QNG1: variants seen among roughly 807,000 people sequenced by gnomAD.
QNG1 encodes Q-nucleotide N-glycosylase 1.
the QNG1 span, chr9:83,939,810 G>A: frequency 1.9e-6 from 2 of 1,063,416 alleles, no homozygotes; most frequent in South Asian, 1.3e-5. Flanking sequence ...GAACTTTCCT[G>A]TAGAACAAAA....
At chr9:83,942,776 C>T in the QNG1 span, among the ~76,000 whole-genome samples, 163 of 152,242 alleles carry the variant, frequency 1.1e-3, 1 homozygote, top group Non-Finnish European at 2.0e-3. Flanking sequence ...AAACTAGCTA[C>T]GGATAGGAGA....
chr9:83,955,518 C>A, the QNG1 span: 1 of 1,614,200 alleles, frequency 6.2e-7, no homozygotes, highest in African/African-American at 1.3e-5. Flanking sequence ...TTCCCGGTTT[C>A]ATTGAGAATC....
At chr9:83,939,865 C>G in the QNG1 span, 1 of 676,210 alleles carries the variant, frequency 1.5e-6, no homozygotes, top group African/African-American at 1.8e-5. Flanking sequence ...AAATCTCAGA[C>G]GTTATTTTTG....
chr9:83,943,374 G>A, the QNG1 span, among the ~76,000 whole-genome samples: 42 of 144,904 alleles, frequency 2.9e-4, no homozygotes, highest in African/African-American at 8.9e-4. Context: ...AACACTGGAC[G>A]ATGGAAACCA....
chr9:83,949,871 G>A, the QNG1 span, among the ~76,000 whole-genome samples: 1 of 151,572 alleles, frequency 6.6e-6, no homozygotes, highest in African/African-American at 2.4e-5. Flanking sequence ...AATAAAATCA[G>A]TGCTAGCATC....
the QNG1 span, chr9:83,939,406 A>G: frequency 1.3e-6 from 1 of 777,780 alleles, no homozygotes; most frequent in Non-Finnish European, 2.1e-6. Flanking sequence ...TGGGCAATCA[A>G]TTTCCTATAA....
the QNG1 span, chr9:83,955,703 C>T: frequency 4.1e-6 from 6 of 1,475,976 alleles, no homozygotes; most frequent in African/African-American, 1.4e-5. Flanking sequence ...TAAACCCTTG[C>T]TTTTACAACA....
At chr9:83,948,515 G>C in the QNG1 span, among the ~76,000 whole-genome samples, 36 of 145,212 alleles carry the variant, frequency 2.5e-4, no homozygotes, top group Admixed American at 8.1e-4. Context: ...GTCCGGGAGG[G>C]GGGGGGCGCC....
the QNG1 span, among the ~76,000 whole-genome samples, chr9:83,945,285 C>T: frequency 1.3e-5 from 2 of 151,614 alleles, no homozygotes; most frequent in African/African-American, 4.8e-5. Context: ...ATCTATGGTC[C>T]CAGATACTCA....
chr9:83,950,596 CTT>C, the QNG1 span, among the ~76,000 whole-genome samples: 1,024 of 118,302 alleles, frequency 8.7e-3, 18 homozygotes, highest in East Asian at 0.039. Context: ...CTTTTCTTTT[CTT>C]TTTTTTTTTT....
the QNG1 span, among the ~76,000 whole-genome samples, chr9:83,946,050 T>G: frequency 6.6e-6 from 1 of 152,024 alleles, no homozygotes; most frequent in Non-Finnish European, 1.5e-5. Flanking sequence ...CTCACGCCTG[T>G]AATCCCAGCA....
the QNG1 span, among the ~76,000 whole-genome samples, chr9:83,948,702 G>A: frequency 1.1e-4 from 16 of 152,126 alleles, no homozygotes; most frequent in African/African-American, 3.9e-4. Flanking sequence ...TACTGTGTCC[G>A]TGTAGAAAGA....
chr9:83,941,833 A>G, the QNG1 span, among the ~76,000 whole-genome samples: 2 of 152,034 alleles, frequency 1.3e-5, no homozygotes, highest in Admixed American at 6.6e-5. Flanking sequence ...GAATCACTTG[A>G]ACCCGGGAGA....
chr9:83,955,461 C>G, the QNG1 span: 1 of 1,614,164 alleles, frequency 6.2e-7, no homozygotes, highest in Non-Finnish European at 8.5e-7. Flanking sequence ...TTCTCACTTT[C>G]TCGGACGCAG....
chr9:83,942,631 T>C, the QNG1 span, among the ~76,000 whole-genome samples: 5,024 of 152,362 alleles, frequency 0.033, 260 homozygotes, highest in African/African-American at 0.11. Context: ...GAGTACACTA[T>C]ACTTATGTTT....
chr9:83,953,101 T>TC, the QNG1 span, among the ~76,000 whole-genome samples: 3 of 151,154 alleles, frequency 2.0e-5, no homozygotes, highest in African/African-American at 7.3e-5. Flanking sequence ...AAACCCTGTT[T>TC]CTACTAAAAA....
chr9:83,953,785 C>T, the QNG1 span: 1 of 1,547,930 alleles, frequency 6.5e-7, no homozygotes. Context: ...TTTACAAAAA[C>T]AAAATCCGGG....
chr9:83,950,104 C>CA, the QNG1 span, among the ~76,000 whole-genome samples: 1 of 147,036 alleles, frequency 6.8e-6, no homozygotes, highest in Admixed American at 6.9e-5. Context: ...GGCTGGAGTG[C>CA]AATGGTGCAA....
chr9:83,956,833 T>G, the QNG1 span: 8 of 252,208 alleles, frequency 3.2e-5, no homozygotes, highest in Admixed American at 3.9e-4. Context: ...GGTCCGGCGT[T>G]CACCGGCCGT....
Sources: allele counts gnomAD v4.1 joint callset (sites outside exome capture counted in the v4.1 genomes callset), GRCh38; gene constraint gnomAD v4.1.1; transcripts MANE v1.5; gene names NCBI Gene and HGNC (gene_info 2026-07-23, HGNC 2026-07-21).